Variants in HCFC2 observed in about 807,000 individuals in gnomAD.
The protein encoded by HCFC2 is host cell factor 2.
In HCFC2, 18 loss-of-function variants were observed where a neutral mutation model predicts 89.2. That is an observed-to-expected ratio of 0.20 (90% confidence interval 0.14 to 0.30). HCFC2 has a LOEUF of 0.30. HCFC2 is among the 10% of genes least tolerant of loss of function. HCFC2 has a pLI of 1.00. For synonymous variants in HCFC2, 308 were observed against 335.7 expected, an observed-to-expected ratio of 0.92 and a Z score of 0.90; for missense variants, 578 against 956.1, an observed-to-expected ratio of 0.60 and a Z score of 5.21.
intron 3 of HCFC2, among the ~76,000 whole-genome samples, chr12:104,075,156 T>A (rs996834994): frequency 2.0e-4 from 30 of 151,262 alleles, no homozygotes; most frequent in South Asian, 2.1e-4. Flanking sequence ...GGAGTTTAAA[T>A]CTAGCCTGGG....
rs1474700648 is a variant in HCFC2, at chr12:104,098,443, T to A, written c.1841T>A (p.Phe614Tyr). The A allele has an allele frequency of 2.5e-6, 4 of 1,609,990 alleles. No individual in the cohort carries two copies. The Admixed American group carries it at 6.7e-5, about 27-fold the overall frequency. ...FKNNTALVSQFYLLPKGKQSI... is the reference protein window; with the variant it reads ...FKNNTALVSQYYLLPKGKQSI... ...AATAATACAGCTTTGGTGAGCCAGTTTTATTTGCTGCCAAAAGGGAAGCAA... is the reference window on the plus strand; with the variant it reads ...AATAATACAGCTTTGGTGAGCCAGTATTATTTGCTGCCAAAAGGGAAGCAA... Residue 614 changes from phenylalanine (F) to tyrosine (Y), a missense_variant, in exon 13 of 15, where the codon TTT (phenylalanine) becomes TAT (tyrosine). Phe to Tyr is a conservative substitution (Grantham distance 22). Transcript: ENST00000229330.
At chr12:104,069,738 T>TTG (rs1883263394) in intron 3 of HCFC2, among the ~76,000 whole-genome samples, 1 of 152,142 alleles carries the variant, frequency 6.6e-6, no homozygotes, top group Non-Finnish European at 1.5e-5. Context: ...ATGTGCAGGT[T>TTG]TGTTACATAG....
intron 12 of HCFC2, 45 bp from the exon 13 acceptor site, chr12:104,098,298 A>G (rs1391644461): frequency 2.6e-6 from 4 of 1,518,862 alleles, no homozygotes; most frequent in Non-Finnish European, 3.6e-6. Flanking sequence ...AATTTTTCGT[A>G]TATTCAATAA....
At chr12:104,084,118 A>T (rs1883762596) in intron 7 of HCFC2, among the ~76,000 whole-genome samples, 1 of 152,250 alleles carries the variant, frequency 6.6e-6, no homozygotes, top group Admixed American at 6.5e-5. Flanking sequence ...ACAGCTGCGT[A>T]GCAGGAATTG....
In HCFC2 at chr12:104,103,639, G is replaced by T; in HGVS notation, c.*366G>T. 5.4e-6 allele frequency: 1 copy of T among 184,078 alleles called. No homozygotes were observed. The highest frequency in any genetic ancestry group is 1.3e-4 in the South Asian group (1 of 7,696). The allele number at this position is 184,078 out of a possible 1,614,324, so 11.4% of individuals were successfully genotyped here. On this transcript the variant is annotated 3_prime_UTR_variant, in exon 15 of 15. Transcript: ENST00000229330. Reference sequence around the variant, plus strand: ...GTAACTGGCTGTTGTATACTATGCTGTCTTATATAGTAAATGTTCTCTACA... The same window carrying T: ...GTAACTGGCTGTTGTATACTATGCTTTCTTATATAGTAAATGTTCTCTACA...
Position 104,096,399 on chromosome 12 carries a change from G to T in HCFC2, c.1706G>T (p.Arg569Leu), listed in dbSNP as rs747743641. Residue 569 changes from arginine to leucine, a missense_variant, in exon 12 of 15, where the codon CGT becomes CTT. Arg to Leu is a moderately radical substitution (Grantham distance 102). Around this residue, in one of 4 missense-constraint regions of HCFC2, gnomAD observed 210 missense variants for 251.7 expected, o/e 0.83. Coordinates refer to ENST00000229330, the MANE Select transcript of HCFC2 (RefSeq NM_013320.3). ...GCACTGCCTGCAACGAAGATCAGCC[G>T]TGTAGAGACACATGCTACAGCAACG... ...TYALPATKISRVETHATATPF... is the reference protein window; with the variant it reads ...TYALPATKISLVETHATATPF... The T allele has an allele frequency of 6.2e-7, 1 of 1,608,548 alleles. No individual in the cohort carries two copies. Among genetic ancestry groups the T allele is most frequent in the Admixed American group, 1.7e-5 (1 of 59,942 alleles).
chr12:104,100,118 AT>A (rs1408224266), intron 13 of HCFC2, among the ~76,000 whole-genome samples: 1 of 152,200 alleles, frequency 6.6e-6, no homozygotes, highest in Non-Finnish European at 1.5e-5. Context: ...ATTAAAAGAA[AT>A]CTAAAAACCC....
chr12:104,093,271 T>G, intron 9 of HCFC2, 115 bp from the exon 10 acceptor site: 1 of 601,188 alleles, frequency 1.7e-6, no homozygotes, highest in Non-Finnish European at 2.7e-6. Flanking sequence ...AATTTTTAGG[T>G]GTTTTCTATT....
chr12:104,093,835 TAGG>T (rs1293651086), intron 10 of HCFC2, among the ~76,000 whole-genome samples: 1 of 151,870 alleles, frequency 6.6e-6, no homozygotes, highest in Non-Finnish European at 1.5e-5. Context: ...AGAAAATGAT[TAGG>T]AGATTTGTTA....
At position 104,095,525 on chromosome 12, in the gene HCFC2, A is replaced by T. The variant is rs755466348; in HGVS notation, c.1628A>T (p.Asp543Val). Residue 543 changes from aspartate (D) to valine (V), a missense_variant, in exon 11 of 15, where the codon GAT becomes GTT. Asp to Val is a radical substitution (Grantham distance 152). Around this residue, in one of 4 missense-constraint regions of HCFC2, gnomAD observed 210 missense variants for 251.7 expected, o/e 0.83. Coordinates refer to ENST00000229330, the MANE Select transcript of HCFC2 (RefSeq NM_013320.3). This position sits in a 1 kb window ranked among gnomAD's most constrained non-coding sequence, Gnocchi z 4.2. ...AGTACAAATGGGGCAGTTGTTAAAGATGAAACTTCACTAACAACATTCAGT... is the reference window on the plus strand; with the variant it reads ...AGTACAAATGGGGCAGTTGTTAAAGTTGAAACTTCACTAACAACATTCAGT... Reference protein sequence around the residue: ...SSSTNGAVVKDETSLTTFSTK... With the variant: ...SSSTNGAVVKVETSLTTFSTK... The T allele has an allele frequency of 5.6e-6, 9 of 1,613,710 alleles. No individual in the cohort carries two copies. In the South Asian group the frequency reaches 9.9e-5, roughly 18 times the overall value.
intron 3 of HCFC2, among the ~76,000 whole-genome samples, chr12:104,078,236 C>T (rs1030408156): frequency 1.3e-5 from 2 of 152,074 alleles, no homozygotes; most frequent in Non-Finnish European, 2.9e-5. Flanking sequence ...CTCCTGACTT[C>T]GTGTTCCGCC....
chr12:104,101,392 G>A (rs955339563), intron 13 of HCFC2, among the ~76,000 whole-genome samples: 2 of 152,098 alleles, frequency 1.3e-5, no homozygotes, highest in African/African-American at 4.8e-5. Context: ...GGCTGAGGCA[G>A]GAGAATCGCT....
chr12:104,096,947 A>G (rs957357783), intron 12 of HCFC2, among the ~76,000 whole-genome samples: 2 of 152,190 alleles, frequency 1.3e-5, no homozygotes, highest in Non-Finnish European at 2.9e-5. Flanking sequence ...GAATATTGCA[A>G]TAGTGGATTG....
Position 104,098,475 on chromosome 12 carries a change from T to C in HCFC2, c.1873T>C (p.Ser625Pro). 1 of 1,600,878 alleles carries C rather than the reference T, an allele frequency of 6.2e-7. No homozygotes were observed. The highest frequency in any genetic ancestry group is 8.5e-7 in the Non-Finnish European group (1 of 1,175,378). Residue 625 changes from serine (S) to proline (P), a missense_variant, in exon 13 of 15, where the codon TCA becomes CCA. Coordinates refer to ENST00000229330, the MANE Select transcript of HCFC2 (RefSeq NM_013320.3). Reference sequence around the variant, plus strand: ...GCTGCCAAAAGGGAAGCAAAGCATCTCAAAGGTAGCTATTGATATATTTTC... The same window carrying C: ...GCTGCCAAAAGGGAAGCAAAGCATCCCAAAGGTAGCTATTGATATATTTTC... ...YLLPKGKQSISKVGNADVPDY... is the reference protein window; with the variant it reads ...YLLPKGKQSIPKVGNADVPDY...
Position 104,103,537 on chromosome 12 carries a change from T to C in HCFC2, c.*264T>C. ...AAAACAGTGAAATTAAGATAAAAGCTAGAAAGCTTTATTACCCCAATATCT... is the reference window on the plus strand; with the variant it reads ...AAAACAGTGAAATTAAGATAAAAGCCAGAAAGCTTTATTACCCCAATATCT... On this transcript the variant is annotated 3_prime_UTR_variant, in exon 15 of 15. Coordinates refer to ENST00000229330, the MANE Select transcript of HCFC2 (RefSeq NM_013320.3). The C allele has an allele frequency of 2.6e-6, 1 of 390,944 alleles. No homozygotes were observed. The highest frequency in any genetic ancestry group is 3.6e-5 in the South Asian group (1 of 27,926). 24.2% of individuals were successfully genotyped at this position (390,944 alleles called of 1,614,324 possible). A position where few individuals can be genotyped will look rare whatever the true frequency, so the allele number is the denominator to read the frequency against.
chr12:104,087,496 T>TACAC (rs1306911878), intron 8 of HCFC2, among the ~76,000 whole-genome samples: 10 of 146,700 alleles, frequency 6.8e-5, no homozygotes, highest in Non-Finnish European at 1.3e-4. Flanking sequence ...TATATATATA[T>TACAC]ACACACATAC....
intron 8 of HCFC2, 127 bp downstream of exon 8, chr12:104,087,141 G>A (rs1350222886): frequency 1.2e-6 from 1 of 815,230 alleles, no homozygotes; most frequent in East Asian, 3.1e-5. Context: ...GATCACCTGA[G>A]GTCAGGAGTT....
At chr12:104,077,250 G>GT (rs1286682457) in intron 3 of HCFC2, among the ~76,000 whole-genome samples, 93 of 146,662 alleles carry the variant, frequency 6.3e-4, no homozygotes, top group Middle Eastern at 3.5e-3. Context: ...TTTGTTTTTT[G>GT]TTTTTTTTTT....
chr12:104,071,856 C>T (rs1293509601), intron 3 of HCFC2, among the ~76,000 whole-genome samples: 1 of 152,122 alleles, frequency 6.6e-6, no homozygotes. Flanking sequence ...GCCATCCTAG[C>T]GGGAGTAAAG....
Sources: allele counts gnomAD v4.1 joint callset (sites outside exome capture counted in the v4.1 genomes callset), GRCh38; gene constraint gnomAD v4.1.1; regional missense constraint gnomAD v4.1.1; non-coding constraint Gnocchi (gnomAD v3.1); transcripts MANE v1.5; gene names NCBI Gene and HGNC (gene_info 2026-07-23, HGNC 2026-07-21).